Variants in ESRRG observed in about 807,000 individuals in gnomAD.
ESRRG encodes estrogen related receptor gamma.
A neutral mutation model predicts 44.0 loss-of-function variants in ESRRG; 13 were observed. The observed-to-expected ratio is 0.30, with a 90% CI of 0.19 to 0.47. ESRRG has a LOEUF of 0.47. Ranked by LOEUF, ESRRG falls within the 20% of genes least tolerant of loss-of-function variation. The pLI is 1.00. For missense variants in ESRRG, 395 were observed against 580.6 expected (o/e 0.68, Z 3.29); for synonymous variants, 215 against 214.6 (o/e 1.00, Z -0.02).
Position 216,949,476 on chromosome 1 carries a change from A to G in ESRRG, c.-105-9803T>C, listed in dbSNP as rs76463980. Among the ~76,000 whole-genome samples the G allele has an allele frequency of 2.5e-3, 382 of 152,290 alleles. 4 individuals are homozygous for G. In the East Asian group the frequency reaches 0.038, roughly 15 times the overall value. ...TTGTACTTAACCTTCTTTCAACAGA[A>G]AGAAAGGCAGTCAATGCTTGCTTCT... On this transcript the variant is annotated intron_variant, in intron 1 of 7. Transcript: ENST00000359162.
chr1:216,790,085 T>A (rs2094267310), intron 2 of ESRRG, among the ~76,000 whole-genome samples: 1 of 152,146 alleles, frequency 6.6e-6, no homozygotes, highest in Admixed American at 6.6e-5. Flanking sequence ...CAATGAGACC[T>A]TCAAAGTCAT....
At chr1:216,768,956 C>G (rs978795206) in intron 2 of ESRRG, among the ~76,000 whole-genome samples, 2 of 152,026 alleles carry the variant, frequency 1.3e-5, no homozygotes, top group Admixed American at 6.6e-5. Flanking sequence ...GTATTTTAAG[C>G]CTTAAAATAG....
chr1:216,673,571 C>T (rs1261581894), intron 2 of ESRRG, among the ~76,000 whole-genome samples: 5 of 152,148 alleles, frequency 3.3e-5, no homozygotes, highest in African/African-American at 7.2e-5. Context: ...CAAGAATCAC[C>T]CTGTGCTTTG....
chr1:216,844,823 C>T (rs1221278387), intron 2 of ESRRG, among the ~76,000 whole-genome samples: 2 of 151,918 alleles, frequency 1.3e-5, no homozygotes, highest in Admixed American at 6.6e-5. Flanking sequence ...ATATGCACCA[C>T]ACACACACAC....
intron 1 of ESRRG, among the ~76,000 whole-genome samples, chr1:217,089,266 C>T (rs1429684686): frequency 6.6e-6 from 1 of 152,014 alleles, no homozygotes; most frequent in East Asian, 1.9e-4. Flanking sequence ...TCATCTGTGT[C>T]TCCAGCACAC....
intron 2 of ESRRG, among the ~76,000 whole-genome samples, chr1:216,794,034 A>G (rs902488685): frequency 1.3e-5 from 2 of 151,184 alleles, no homozygotes; most frequent in African/African-American, 4.9e-5. Context: ...AAATGAGATC[A>G]CTTTTCAGAA....
upstream of ESRRG, among the ~76,000 whole-genome samples, chr1:216,727,513 A>G (rs142581443): frequency 5.3e-5 from 8 of 152,164 alleles, no homozygotes; most frequent in East Asian, 7.7e-4. Context: ...CTTTTGTGCT[A>G]TAAACCTGCT....
At chr1:217,104,335 A>G (rs2092560647) in intron 1 of ESRRG, among the ~76,000 whole-genome samples, 1 of 152,186 alleles carries the variant, frequency 6.6e-6, no homozygotes, top group African/African-American at 2.4e-5. Flanking sequence ...CATAGATGAA[A>G]TGGGAAAGGA....
chr1:216,764,577 G>T (rs1020362973), intron 2 of ESRRG, among the ~76,000 whole-genome samples: 1 of 151,996 alleles, frequency 6.6e-6, no homozygotes, highest in African/African-American at 2.4e-5. Flanking sequence ...CCCAGGGGGG[G>T]ACTCTTAACT....
chr1:216,709,694 TA>T (rs57685688), intron 1 of ESRRG, among the ~76,000 whole-genome samples: 266 of 148,346 alleles, frequency 1.8e-3, no homozygotes, highest in African/African-American at 3.3e-3. Context: ...AGTGCTGATT[TA>T]AAAAAAAAAA....
chr1:216,865,147 G>A (rs1185372298), intron 2 of ESRRG: 7 of 113,208 alleles, frequency 6.2e-5, no homozygotes, highest in African/African-American at 1.7e-4. Flanking sequence ...TTTCTTATAA[G>A]AAGGTTTCCA....
At chr1:217,086,863 C>G (rs946642541) in intron 1 of ESRRG, among the ~76,000 whole-genome samples, 1 of 152,198 alleles carries the variant, frequency 6.6e-6, no homozygotes, top group African/African-American at 2.4e-5. Flanking sequence ...GTAAGGCATA[C>G]TTTAACCTCC....
In ESRRG at chr1:217,126,661, C is replaced by T. The variant is rs922395125; in HGVS notation, c.-230+11006G>A. Among the ~76,000 whole-genome samples the T allele has an allele frequency of 4.6e-5, 7 of 152,196 alleles. No homozygotes were observed. In the South Asian group the frequency reaches 1.0e-3, roughly 23 times the overall value. ...AGGCAAACAGCAGGAATTAACTTGG[C>T]TTGGTATAGACACACCTACAAAGGG... On this transcript the variant is annotated intron_variant, in intron 1 of 8. Coordinates refer to the ESRRG transcript ENST00000366940.
chr1:217,023,378 C>A (rs530874210), intron 1 of ESRRG, among the ~76,000 whole-genome samples: 1 of 152,082 alleles, frequency 6.6e-6, no homozygotes, highest in Non-Finnish European at 1.5e-5. Context: ...GTTATCTGCA[C>A]CTACATGGCA....
At chr1:216,580,932 A>G (rs1389096939) in intron 3 of ESRRG, among the ~76,000 whole-genome samples, 2 of 152,208 alleles carry the variant, frequency 1.3e-5, no homozygotes, top group African/African-American at 4.8e-5. Context: ...CTTGATGATA[A>G]TAAAGCAAAT....
chr1:217,029,718 G>C, intron 1 of ESRRG, among the ~76,000 whole-genome samples: 1 of 151,984 alleles, frequency 6.6e-6, no homozygotes, highest in Non-Finnish European at 1.5e-5. Context: ...CTATTCTAGG[G>C]GATATTTTCC....
intron 2 of ESRRG, among the ~76,000 whole-genome samples, chr1:216,822,938 A>G (rs924596566): frequency 6.6e-6 from 1 of 152,196 alleles, no homozygotes; most frequent in Non-Finnish European, 1.5e-5. Flanking sequence ...CAATGCTCCC[A>G]TCTAATAGTT....
intron 1 of ESRRG, among the ~76,000 whole-genome samples, chr1:216,989,582 T>C (rs765406525): frequency 9.9e-5 from 15 of 152,166 alleles, no homozygotes; most frequent in Non-Finnish European, 1.6e-4. Context: ...TTTGATAGCA[T>C]GGATGTACAT....
At chr1:216,702,288 G>A (rs999927256) in intron 1 of ESRRG, among the ~76,000 whole-genome samples, 5 of 152,126 alleles carry the variant, frequency 3.3e-5, no homozygotes, top group African/African-American at 1.2e-4. Flanking sequence ...TCTTATGAGA[G>A]AGGGTGAAGA....
Sources: gnomAD v4.1 joint callset for allele counts (sites outside exome capture counted in the v4.1 genomes callset) on GRCh38, gnomAD v4.1.1 for gene constraint, MANE v1.5 for transcripts, NCBI Gene and HGNC (gene_info 2026-07-23, HGNC 2026-07-21) for gene names.